The following KCNH5 variants were observed in gnomAD, a reference collection of about 807,000 sequenced individuals.
The protein encoded by KCNH5 is voltage-gated delayed rectifier potassium channel KCNH5.
A neutral mutation model predicts 96.1 loss-of-function variants in KCNH5; 46 were observed. That is an observed-to-expected ratio of 0.48 (90% confidence interval 0.38 to 0.61). The LOEUF (loss-of-function observed/expected upper bound fraction) is 0.61. KCNH5 is among the 20% of genes least tolerant of loss of function. The probability of loss-of-function intolerance (pLI) is 0.00; values close to 1 mark genes in which losing one functional copy is unlikely to be tolerated. For missense variants in KCNH5, 907 were observed against 1,225.8 expected (o/e 0.74, Z 3.88); for synonymous variants, 439 against 449.8 (o/e 0.98, Z 0.30).
intron 9 of KCNH5, 125 bp from the exon 10 acceptor site, chr14:62,780,049 A>C: frequency 1.7e-6 from 1 of 594,140 alleles, no homozygotes; most frequent in Non-Finnish European, 2.7e-6. Context: ...GTATAACCAC[A>C]TCTATAAACA....
intron 7 of KCNH5, among the ~76,000 whole-genome samples, chr14:62,917,880 A>G (rs1398214364): frequency 6.6e-6 from 1 of 152,220 alleles, no homozygotes; most frequent in African/African-American, 2.4e-5. Flanking sequence ...TACTCCAAGA[A>G]GGATCATATT....
chr14:63,045,055 T>C (rs1352377454), intron 1 of KCNH5, 59 bp downstream of exon 1: 6 of 1,305,086 alleles, frequency 4.6e-6, no homozygotes, highest in African/African-American at 4.4e-5. Flanking sequence ...ATGGGGAGGA[T>C]GGGGGGCGCG....
chr14:62,849,858 A>G lies in KCNH5; in HGVS notation c.1370-6T>C. 6.2e-7 allele frequency: 1 copy of G among 1,602,610 alleles called. No individual in the cohort carries two copies. Among genetic ancestry groups the G allele is most frequent in the Non-Finnish European group, 8.5e-7 (1 of 1,170,180 alleles). On this transcript the variant is annotated splice_polypyrimidine_tract_variant and splice_region_variant and intron_variant, in intron 7 of 10. Coordinates refer to ENST00000322893, the MANE Select transcript of KCNH5 (RefSeq NM_139318.5). ...AATAGTTGCATAAAGAAGAGCTGAAAGAGAAGAAATGATAAAAATAAAACA... is the reference window on the plus strand; with the variant it reads ...AATAGTTGCATAAAGAAGAGCTGAAGGAGAAGAAATGATAAAAATAAAACA...
intron 8 of KCNH5, among the ~76,000 whole-genome samples, chr14:62,815,819 G>A (rs1886966408): frequency 6.6e-6 from 1 of 151,830 alleles, no homozygotes; most frequent in African/African-American, 2.4e-5. Context: ...AATAGAGAGA[G>A]CAAAGTAAAG....
At chr14:62,992,491 AT>A (rs1366936339) in intron 4 of KCNH5, among the ~76,000 whole-genome samples, 1 of 151,664 alleles carries the variant, frequency 6.6e-6, no homozygotes, top group Non-Finnish European at 1.5e-5. Flanking sequence ...AACATCTGCT[AT>A]TTTTTGTCTT....
At chr14:62,931,054 T>C (rs1050587684) in intron 7 of KCNH5, among the ~76,000 whole-genome samples, 8 of 152,130 alleles carry the variant, frequency 5.3e-5, no homozygotes, top group Non-Finnish European at 8.8e-5. Flanking sequence ...AGGAATGATG[T>C]AGTATCAGGG....
intron 8 of KCNH5, among the ~76,000 whole-genome samples, chr14:62,837,626 G>T (rs933781143): frequency 6.6e-6 from 1 of 152,180 alleles, no homozygotes; most frequent in African/African-American, 2.4e-5. Context: ...AAAATGATTT[G>T]AAGTTTGAGG....
chr14:62,792,857 G>T (rs1886461813), intron 9 of KCNH5, among the ~76,000 whole-genome samples: 1 of 151,668 alleles, frequency 6.6e-6, no homozygotes, highest in Non-Finnish European at 1.5e-5. Flanking sequence ...CATGCCCATT[G>T]TAGCTTTATT....
chr14:62,994,272 G>A lies in KCNH5; in HGVS notation c.433+7059C>T, dbSNP rs536355175. On this transcript the variant is annotated intron_variant, in intron 4 of 10. Coordinates refer to ENST00000322893, the MANE Select transcript of KCNH5 (RefSeq NM_139318.5). ...TTTTGGCTGTTATTTTTTATTCTAT[G>A]GGAATTTTTTTGTCACAATTATTGG... Among the ~76,000 whole-genome samples, 26 of 152,088 alleles carry A rather than the reference G, an allele frequency of 1.7e-4. 1 individual carries two copies. Among genetic ancestry groups the A allele is most frequent in the Admixed American group, 1.5e-3 (23 of 15,238 alleles).
intron 8 of KCNH5, among the ~76,000 whole-genome samples, chr14:62,848,365 T>C (rs1429227719): frequency 1.3e-5 from 2 of 152,202 alleles, no homozygotes; most frequent in Non-Finnish European, 2.9e-5. Flanking sequence ...TGAAATTCCA[T>C]AGAAATGTAG....
chr14:62,965,261 G>T (rs1890284770), intron 6 of KCNH5, among the ~76,000 whole-genome samples: 1 of 152,072 alleles, frequency 6.6e-6, no homozygotes, highest in Non-Finnish European at 1.5e-5. Context: ...GGAACATGGG[G>T]CCTAGTGGGA....
At chr14:62,810,727 T>C (rs930391191) in intron 8 of KCNH5, among the ~76,000 whole-genome samples, 3 of 152,104 alleles carry the variant, frequency 2.0e-5, no homozygotes, top group Admixed American at 2.0e-4. Flanking sequence ...ACCCCTTGTT[T>C]AGAATATCAT....
At chr14:62,743,251 C>G (rs1673865846) in intron 10 of KCNH5, among the ~76,000 whole-genome samples, 1 of 152,128 alleles carries the variant, frequency 6.6e-6, no homozygotes, top group Admixed American at 6.5e-5. Context: ...CCTAGAGATT[C>G]TAATTTAAAT....
intron 6 of KCNH5, among the ~76,000 whole-genome samples, chr14:62,961,051 A>G (rs1368516640): frequency 1.3e-5 from 2 of 152,186 alleles, no homozygotes; most frequent in African/African-American, 4.8e-5. Context: ...ATAAAGCTTG[A>G]TCAAAATATG....
rs141085301 is a variant in KCNH5, at chr14:63,025,344, T to C, written c.74-8390A>G. ...ACAAGGATCCTGTTCTTACCACTTC[T>C]GTTCAATTTCTAGCTGAAATCCTAG... On this transcript the variant is annotated intron_variant, in intron 1 of 10. Transcript: ENST00000322893. Among the ~76,000 whole-genome samples, 4 of 152,178 alleles carry C rather than the reference T, an allele frequency of 2.6e-5. No individual in the cohort carries two copies. In the East Asian group the frequency reaches 7.7e-4, roughly 29 times the overall value.
At chr14:62,744,906 T>C (rs976170245) in intron 10 of KCNH5, among the ~76,000 whole-genome samples, 5 of 152,136 alleles carry the variant, frequency 3.3e-5, no homozygotes, top group African/African-American at 1.2e-4. Flanking sequence ...TTAAATATCA[T>C]AGTTTTCAGA....
chr14:62,833,310 T>G (rs1304348656), intron 8 of KCNH5, among the ~76,000 whole-genome samples: 1 of 152,048 alleles, frequency 6.6e-6, no homozygotes, highest in Non-Finnish European at 1.5e-5. Flanking sequence ...CATTTTGTGT[T>G]GATTTTTATG....
chr14:62,950,441 C>T lies in KCNH5; in HGVS notation c.1061G>A (p.Cys354Tyr), dbSNP rs1169815049. 13 of 1,613,874 alleles carry T rather than the reference C, an allele frequency of 8.1e-6. No homozygotes were observed. Among genetic ancestry groups the T allele is most frequent in the Non-Finnish European group, 1.1e-5 (13 of 1,179,998 alleles). The stretch of plus-strand genomic sequence containing the variant: ...CCAGTGGGCCACCAGTCCAAACACA[C>T]ACACCAGGAGCACGAGGACTGCTGC... ...YGAAVLVLLVCVFGLVAHWLA... is the reference protein window; with the variant it reads ...YGAAVLVLLVYVFGLVAHWLA... Residue 354 changes from cysteine to tyrosine, a missense_variant, in exon 7 of 11, where the codon TGT (cysteine) becomes TAT (tyrosine). Cys to Tyr is a radical substitution (Grantham distance 194). Around this residue, in one of 6 missense-constraint regions of KCNH5, gnomAD observed 370 missense variants for 561.3 expected, o/e 0.66. Transcript: ENST00000322893.
intron 7 of KCNH5, among the ~76,000 whole-genome samples, chr14:62,882,118 A>C (rs1374826694): frequency 7.1e-6 from 1 of 140,606 alleles, no homozygotes; most frequent in Non-Finnish European, 1.6e-5. Context: ...AAAAAAAAAA[A>C]AAAAAAAAAG....
Sources: allele counts gnomAD v4.1 joint callset (sites outside exome capture counted in the v4.1 genomes callset), GRCh38; gene constraint gnomAD v4.1.1; regional missense constraint gnomAD v4.1.1; transcripts MANE v1.5; gene names NCBI Gene and HGNC (gene_info 2026-07-23, HGNC 2026-07-21).